ABCC4: variants seen among roughly 807,000 people sequenced by gnomAD.
The protein encoded by ABCC4 is ATP binding cassette subfamily C member 4 (PEL blood group), also known as ATP-binding cassette sub-family C member 4.
In ABCC4, 102 loss-of-function variants were observed where a neutral mutation model predicts 168.5. The observed-to-expected ratio is 0.61, with a 90% CI of 0.52 to 0.71. ABCC4 has a LOEUF of 0.71. Among genes scored for constraint, ABCC4 ranks in the 30% least tolerant of loss-of-function variants. The pLI is 0.00. For missense variants in ABCC4, 1,402 were observed against 1,605.8 expected, an observed-to-expected ratio of 0.87 and a Z score of 2.17; for synonymous variants, 617 against 590.7, an observed-to-expected ratio of 1.04 and a Z score of -0.65.
Position 95,301,369 on chromosome 13 carries a change from C to A in ABCC4, c.-55G>T. The A allele has an allele frequency of 6.8e-7, 1 of 1,478,322 alleles. No homozygotes were observed. The highest frequency in any genetic ancestry group is 9.1e-7 in the Non-Finnish European group (1 of 1,096,816). The allele number at this position is 1,478,322 out of a possible 1,614,324, so 91.6% of individuals were successfully genotyped here. On this transcript the variant is annotated 5_prime_UTR_variant, in exon 1 of 31. Coordinates refer to ENST00000645237, the MANE Select transcript of ABCC4 (RefSeq NM_005845.5). ...GTCGCGCTGATCAGGCGGCGGTGGC[C>A]GCGGGCTCCGCTCCTGGACCTCAAG...
intron 25 of ABCC4, among the ~76,000 whole-genome samples, chr13:95,066,731 C>G (rs2033561484): frequency 6.6e-6 from 1 of 152,188 alleles, no homozygotes; most frequent in South Asian, 2.1e-4. Flanking sequence ...GGGACGGAAA[C>G]CCAAGTCTGC....
intron 8 of ABCC4, among the ~76,000 whole-genome samples, chr13:95,202,009 T>A (rs575101791): frequency 6.6e-6 from 1 of 152,290 alleles, no homozygotes; most frequent in Non-Finnish European, 1.5e-5. Context: ...ATTTTATGTG[T>A]CAGCTTGGCT....
At chr13:95,046,655 T>C (rs1425048922) in intron 27 of ABCC4, among the ~76,000 whole-genome samples, 1 of 151,750 alleles carries the variant, frequency 6.6e-6, no homozygotes, top group African/African-American at 2.4e-5. Flanking sequence ...GTAATCCCAT[T>C]AGGAGGCTGA....
chr13:95,042,520 C>T (rs1400360680), intron 29 of ABCC4, among the ~76,000 whole-genome samples: 1 of 152,048 alleles, frequency 6.6e-6, no homozygotes, highest in Admixed American at 6.5e-5. Context: ...TAGGGAGGGG[C>T]CAACTGTAAA....
chr13:95,174,222 G>A (rs1019449372), intron 13 of ABCC4, among the ~76,000 whole-genome samples: 3 of 152,174 alleles, frequency 2.0e-5, no homozygotes, highest in Non-Finnish European at 4.4e-5. Context: ...TCCACTTAGT[G>A]TTTGCAACAT....
rs60532299 is a variant in ABCC4 at position 95,115,977 on chromosome 13, T to C, written c.2480A>G (p.Lys827Arg). The C allele has an allele frequency of 4.8e-4, 774 of 1,612,984 alleles. 4 individuals carry two copies. In the African/African-American group the frequency reaches 9.3e-3, roughly 19 times the overall value. ...PIGRILNRFS[K>R]DIGHLDDLLP... is the part of the protein sequence containing the mutation. Reference sequence around the variant, plus strand: ...CAAATCATCCAAGTGTCCAATGTCTTTGGAGAAACGATTTAAAATTCTTCC... The same window carrying C: ...CAAATCATCCAAGTGTCCAATGTCTCTGGAGAAACGATTTAAAATTCTTCC... The change falls in exon 20 of 31, where the codon AAA (lysine) becomes AGA (arginine). Residue 827 changes from lysine to arginine, a missense_variant. By Grantham distance (26) the Lys-to-Arg change is conservative (BLOSUM62 2). Around this residue, in one of 3 missense-constraint regions of ABCC4, gnomAD observed 1,007 missense variants for 1,127.3 expected, o/e 0.89. Coordinates refer to ENST00000645237, the MANE Select transcript of ABCC4 (RefSeq NM_005845.5).
intron 1 of ABCC4, chr13:95,266,067 A>G (rs2040664445): frequency 6.6e-6 from 1 of 152,210 alleles, no homozygotes; most frequent in African/African-American, 2.4e-5. Flanking sequence ...GGTGGCCCCA[A>G]AAAGATATGC....
At chr13:95,043,531 A>T in intron 29 of ABCC4, 151 bp downstream of exon 29, 1 of 560,126 alleles carries the variant, frequency 1.8e-6, no homozygotes, top group Non-Finnish European at 3.2e-6. Context: ...CTGAGGGTGT[A>T]GTTAAGCATA....
chr13:95,110,583 C>A (rs114680752), intron 20 of ABCC4, among the ~76,000 whole-genome samples: 1 of 152,092 alleles, frequency 6.6e-6, no homozygotes, highest in Non-Finnish European at 1.5e-5. Flanking sequence ...ACAAATATTA[C>A]AGGTAGGGTA....
At chr13:95,144,919 G>A (rs1594176412) in intron 19 of ABCC4, among the ~76,000 whole-genome samples, 2 of 151,422 alleles carry the variant, frequency 1.3e-5, no homozygotes, top group South Asian at 4.2e-4. Flanking sequence ...CGTCCAAAGA[G>A]CCAAAGCAAT....
intron 8 of ABCC4, among the ~76,000 whole-genome samples, chr13:95,196,538 G>T (rs2038421243): frequency 7.0e-6 from 1 of 143,550 alleles, no homozygotes. Context: ...AATAGTGCAA[G>T]ACCCTGTCAA....
intron 8 of ABCC4, among the ~76,000 whole-genome samples, chr13:95,196,094 T>C (rs1404459304): frequency 6.6e-6 from 1 of 152,110 alleles, no homozygotes; most frequent in Non-Finnish European, 1.5e-5. Context: ...CATAATGATA[T>C]ATGGGAAAAC....
chr13:95,048,010 G>C (rs1038568197), intron 27 of ABCC4, among the ~76,000 whole-genome samples: 2 of 152,102 alleles, frequency 1.3e-5, no homozygotes, highest in Admixed American at 6.5e-5. Context: ...ATAATCTGTT[G>C]AATGTATGAA....
Position 95,153,845 on chromosome 13 carries a change from C to A in ABCC4, c.2455+7344G>T, listed in dbSNP as rs566316072. 2.6e-3 allele frequency among the ~76,000 whole-genome samples: 395 copies of A among 152,232 alleles called. 2 individuals carry two copies. Among genetic ancestry groups the A allele is most frequent in the African/African-American group, 9.0e-3 (373 of 41,560 alleles). On this transcript the variant is annotated intron_variant, in intron 19 of 30. Transcript: ENST00000645237. ...TTACTGACAAAATAACAATAGCAAT[C>A]AAATATATGTAACTACGTAACTATT...
rs527898793 is a variant in ABCC4 at position 95,296,970 on chromosome 13, T to C, written c.74+4271A>G. 5.3e-5 allele frequency among the ~76,000 whole-genome samples: 8 copies of C among 151,900 alleles called. No individual in the cohort carries two copies. The South Asian group carries it at 1.0e-3, about 20-fold the overall frequency. On this transcript the variant is annotated intron_variant, in intron 1 of 30. Coordinates refer to ENST00000645237, the MANE Select transcript of ABCC4 (RefSeq NM_005845.5). ...GCCTTTATTGTTAGAAATGAAACAATAGCTAAAAGAAAATGGAAGGCCAGG... is the reference window on the plus strand; with the variant it reads ...GCCTTTATTGTTAGAAATGAAACAACAGCTAAAAGAAAATGGAAGGCCAGG...
intron 19 of ABCC4, among the ~76,000 whole-genome samples, chr13:95,127,893 G>GT (rs2035838784): frequency 6.6e-6 from 1 of 152,064 alleles, no homozygotes; most frequent in South Asian, 2.1e-4. Context: ...CACTGAACAT[G>GT]TTTAACACAG....
intron 1 of ABCC4, among the ~76,000 whole-genome samples, chr13:95,262,556 T>C (rs572835244): frequency 1.3e-5 from 2 of 152,126 alleles, no homozygotes; most frequent in Non-Finnish European, 2.9e-5. Flanking sequence ...TTCACGGACA[T>C]GCACAGAGTA....
At chr13:95,173,545 C>T (rs2037552757) in intron 13 of ABCC4, among the ~76,000 whole-genome samples, 1 of 152,200 alleles carries the variant, frequency 6.6e-6, no homozygotes, top group Admixed American at 6.5e-5. Context: ...GAAATTCACA[C>T]CTCCTTCCAG....
At chr13:95,193,482 G>A (rs1413289182) in intron 9 of ABCC4, among the ~76,000 whole-genome samples, 2 of 152,282 alleles carry the variant, frequency 1.3e-5, no homozygotes, top group African/African-American at 4.8e-5. Flanking sequence ...GGCTGATCTC[G>A]GGGTGGCCTC....
Sources: allele counts gnomAD v4.1 joint callset (sites outside exome capture counted in the v4.1 genomes callset), GRCh38; gene constraint gnomAD v4.1.1; regional missense constraint gnomAD v4.1.1; transcripts MANE v1.5; gene names NCBI Gene and HGNC (gene_info 2026-07-23, HGNC 2026-07-21).